Variants in PTPRQ observed in about 807,000 individuals in gnomAD.
The protein encoded by PTPRQ is phosphatidylinositol phosphatase PTPRQ.
Under a neutral mutation model 246.0 loss-of-function variants are expected in PTPRQ, and 199 were observed. The observed-to-expected ratio is 0.81, with a 90% CI of 0.72 to 0.91. The LOEUF is 0.91. Ranked by LOEUF, PTPRQ falls within the 40% of genes least tolerant of loss-of-function variation. The pLI, the probability that PTPRQ is intolerant of heterozygous loss-of-function variation, is 0.00. For synonymous variants in PTPRQ, 869 were observed against 853.2 expected, an observed-to-expected ratio of 1.02 and a Z score of -0.32; for missense variants, 2,624 against 2,528.4, an observed-to-expected ratio of 1.04 and a Z score of -0.81.
intron 26 of PTPRQ, among the ~76,000 whole-genome samples, chr12:80,590,117 T>G (rs1373520190): frequency 3.3e-5 from 5 of 152,188 alleles, no homozygotes; most frequent in Non-Finnish European, 5.9e-5. Flanking sequence ...TATATTAACA[T>G]GATCAAATAC....
chr12:80,467,808 G>T (rs1422657318), intron 6 of PTPRQ, among the ~76,000 whole-genome samples: 1 of 151,798 alleles, frequency 6.6e-6, no homozygotes. Context: ...ATTGAACAAT[G>T]AGAACACATG....
At position 80,484,529 on chromosome 12, in the gene PTPRQ, A is replaced by T. The variant is rs1175426174; in HGVS notation, c.1283A>T (p.Asn428Ile). The T allele has an allele frequency of 6.4e-7, 1 of 1,551,392 alleles. No individual in the cohort carries two copies. The highest frequency in any genetic ancestry group is 2.4e-5 in the East Asian group (1 of 40,872). Residue 428 changes from asparagine (N) to isoleucine (I), a missense_variant, in exon 9 of 45, where the codon AAC becomes ATC. Transcript: ENST00000644991. ...KKPRQPNGII[N>I]QYRVKVLVPE... ...CCACGACAACCAAATGGAATTATTA[A>T]CCAATACCGAGTGAAAGTGCTAGTT...
At chr12:80,678,534 C>G in intron 43 of PTPRQ, 68 bp from the exon 44 acceptor site, 3 of 1,441,642 alleles carry the variant, frequency 2.1e-6, no homozygotes, top group Non-Finnish European at 2.7e-6. Flanking sequence ...TTAGCTTTAA[C>G]AATATAACTC....
intron 19 of PTPRQ, among the ~76,000 whole-genome samples, chr12:80,537,631 G>A (rs1317348): frequency 0.55 from 83,060 of 152,034 alleles, 27,408 homozygotes; most frequent in Non-Finnish European, 0.72. Flanking sequence ...AGTATGTAGC[G>A]AAGCCATCTT....
chr12:80,522,864 G>A (rs1895548543), intron 17 of PTPRQ, among the ~76,000 whole-genome samples: 1 of 152,172 alleles, frequency 6.6e-6, no homozygotes, highest in Non-Finnish European at 1.5e-5. Flanking sequence ...GTATCAGGAT[G>A]ATGCTGGCAT....
rs1895921890 is a variant in PTPRQ, at chr12:80,534,179, A to T, written c.2839+4A>T. On this transcript the variant is annotated splice_donor_region_variant and intron_variant, in intron 18 of 44. Coordinates refer to ENST00000644991, the MANE Select transcript of PTPRQ (RefSeq NM_001145026.2). ...AGCTTTCAAACACCAGAGGGAGGTG[A>T]GTTAAGGATGTATGCCAATTAAAAG... is the stretch of plus-strand genomic sequence containing the variant. The T allele has an allele frequency of 6.6e-7, 1 of 1,515,138 alleles. No homozygotes were observed. The allele number at this position is 1,515,138 out of a possible 1,614,324, so 93.9% of individuals were successfully genotyped here. A position where few individuals can be genotyped will look rare whatever the true frequency, so the allele number is the denominator to read the frequency against.
chr12:80,649,884 G>A (rs1900200094), intron 37 of PTPRQ, among the ~76,000 whole-genome samples: 2 of 152,032 alleles, frequency 1.3e-5, no homozygotes, highest in Admixed American at 1.3e-4. Context: ...AGGAAAAGGT[G>A]GTCTTCTTCA....
At chr12:80,590,202 C>G (rs1897746943) in intron 26 of PTPRQ, among the ~76,000 whole-genome samples, 1 of 152,094 alleles carries the variant, frequency 6.6e-6, no homozygotes, top group African/African-American at 2.4e-5. Context: ...CTCCTCAATC[C>G]TGCCCATGAT....
At chr12:80,618,589 A>G (rs1565822136) in intron 30 of PTPRQ, among the ~76,000 whole-genome samples, 1 of 151,584 alleles carries the variant, frequency 6.6e-6, no homozygotes, top group Non-Finnish European at 1.5e-5. Flanking sequence ...TCTATTTCAT[A>G]GAGACAAAAA....
At chr12:80,562,919 G>A (rs1918958) in intron 25 of PTPRQ, among the ~76,000 whole-genome samples, 3,131 of 151,804 alleles carry the variant, frequency 0.021, 100 homozygotes, top group African/African-American at 0.071. Flanking sequence ...AATGAAACAA[G>A]TGCAGACACT....
intron 39 of PTPRQ, among the ~76,000 whole-genome samples, chr12:80,661,300 T>G (rs1900623115): frequency 1.3e-5 from 2 of 148,634 alleles, no homozygotes; most frequent in Admixed American, 1.4e-4. Context: ...ATGTCTATAT[T>G]TTATATATGT....
In PTPRQ at chr12:80,490,304, A is replaced by G. The variant is rs190215764; in HGVS notation, c.1360-2971A>G. ...ATAAGTCAAACATTTCATTAATTCA[A>G]TTCAGCAGACCTCCAGTGACCCCAA... On this transcript the variant is annotated intron_variant, in intron 9 of 44. Coordinates refer to ENST00000644991, the MANE Select transcript of PTPRQ (RefSeq NM_001145026.2). Among the ~76,000 whole-genome samples, 193 of 152,160 alleles carry G rather than the reference A, an allele frequency of 1.3e-3. 1 individual carries two copies. The highest frequency in any genetic ancestry group is 4.4e-3 in the African/African-American group (184 of 41,568).
At chr12:80,543,269 T>C (rs1267667845) in intron 23 of PTPRQ, among the ~76,000 whole-genome samples, 4 of 152,106 alleles carry the variant, frequency 2.6e-5, no homozygotes, top group Non-Finnish European at 5.9e-5. Context: ...ATCTTTATTC[T>C]GGACTTCTGG....
chr12:80,541,791 A>G lies in PTPRQ; in HGVS notation c.3391A>G (p.Lys1131Glu), dbSNP rs1390463876. 1 of 1,550,874 alleles carries G rather than the reference A, an allele frequency of 6.4e-7. No individual in the cohort carries two copies. The highest frequency in any genetic ancestry group is 8.7e-7 in the Non-Finnish European group (1 of 1,146,546). Residue 1131 changes from lysine (K) to glutamate (E), a missense_variant, in exon 21 of 45, where the codon AAG becomes GAG. Lys to Glu is a moderately conservative substitution (Grantham distance 56). Coordinates refer to ENST00000644991, the MANE Select transcript of PTPRQ (RefSeq NM_001145026.2). ...ATTAAAAATTACTCCATCAACAGAA[A>G]AGGGATTCTCTGATACCTATACTGC... Reference protein sequence around the residue: ...YILKITPSTEKGFSDTYTAQL... With the variant: ...YILKITPSTEEGFSDTYTAQL...
chr12:80,598,560 C>T (rs1454078498), intron 26 of PTPRQ, among the ~76,000 whole-genome samples: 1 of 151,844 alleles, frequency 6.6e-6, no homozygotes, highest in Non-Finnish European at 1.5e-5. Flanking sequence ...CTAATTTGTC[C>T]AGGTGTGCTG....
chr12:80,449,443 C>T (rs11503514), intron 3 of PTPRQ, among the ~76,000 whole-genome samples: 2 of 152,086 alleles, frequency 1.3e-5, no homozygotes, highest in East Asian at 1.9e-4. Flanking sequence ...GATGTGAAGT[C>T]CTTGCCCATG....
chr12:80,670,417 C>T lies in PTPRQ; in HGVS notation c.6527C>T (p.Ala2176Val). The T allele has an allele frequency of 1.3e-6, 2 of 1,551,176 alleles. No individual in the cohort carries two copies. The highest frequency in any genetic ancestry group is 1.2e-5 in the South Asian group (1 of 84,034). The change falls in exon 42 of 45, where the codon GCC (alanine) becomes GTC (valine). Residue 2176 changes from alanine (A) to valine (V), a missense_variant. Transcript: ENST00000644991. Reference protein sequence around the residue: ...WPEHGVPENSAPLIHFVKLVR... With the variant: ...WPEHGVPENSVPLIHFVKLVR... ...GAGCATGGGGTTCCTGAGAACAGCG[C>T]CCCTCTAATTCACTTTGTGAAGTTG...
At chr12:80,672,501 CT>C (rs1901001948) in intron 42 of PTPRQ, among the ~76,000 whole-genome samples, 1 of 151,762 alleles carries the variant, frequency 6.6e-6, no homozygotes, top group South Asian at 2.1e-4. Context: ...GATTAACTTC[CT>C]CTATTAACCA....
chr12:80,590,976 C>A (rs1897779856), intron 26 of PTPRQ, among the ~76,000 whole-genome samples: 1 of 152,036 alleles, frequency 6.6e-6, no homozygotes, highest in African/African-American at 2.4e-5. Flanking sequence ...CTTAAATGAT[C>A]CCTGATCAGA....
Sources: gnomAD v4.1 joint callset for allele counts (sites outside exome capture counted in the v4.1 genomes callset) on GRCh38, gnomAD v4.1.1 for gene constraint, MANE v1.5 for transcripts, NCBI Gene and HGNC (gene_info 2026-07-23, HGNC 2026-07-21) for gene names.